PCDHGB4: variants seen among roughly 807,000 people sequenced by gnomAD.
PCDHGB4 encodes the protein protocadherin gamma subfamily B, 4.
Under a neutral mutation model 60.5 loss-of-function variants are expected in PCDHGB4, and 38 were observed. The ratio of observed to expected loss-of-function variants is 0.63; its 90% CI spans 0.48 to 0.82. The LOEUF (loss-of-function observed/expected upper bound fraction) is 0.82. PCDHGB4 is among the 40% of genes least tolerant of loss of function. The pLI is 0.00. For missense variants in PCDHGB4, 1,109 were observed against 1,209.6 expected (o/e 0.92, Z 1.23); for synonymous variants, 456 against 509.7 (o/e 0.89, Z 1.42).
rs374476072 is a variant in PCDHGB4, at chr5:141,419,103, C to T, written c.2397+28822C>T. 5 of 1,613,886 alleles carry T rather than the reference C, an allele frequency of 3.1e-6. 1 individual carries two copies. Among genetic ancestry groups the T allele is most frequent in the South Asian group, 1.1e-5 (1 of 91,088 alleles). On this transcript the variant is annotated intron_variant, in intron 1 of 3. Transcript: ENST00000519479. ...GATGAGGCCCTGGATCGGGAGCAGA[C>T]CCCAGAGTACAACGTCACCATCGCA... is the stretch of plus-strand genomic sequence containing the variant.
At chr5:141,395,374 T>A in intron 1 of PCDHGB4, 1 of 1,187,898 alleles carries the variant, frequency 8.4e-7, no homozygotes. Context: ...ATTTTGGTGG[T>A]GTTACTATAA....
Position 141,511,212 on chromosome 5 carries a change from C to T in PCDHGB4, c.*39C>T. ...CCAAGAGCCACAGGGCGGCCTCTCC[C>T]CAACCAGCCCAGCTTCTCCTTACCT... is the stretch of plus-strand genomic sequence containing the variant. On this transcript the variant is annotated 3_prime_UTR_variant, in exon 4 of 4. Coordinates refer to ENST00000519479, the MANE Select transcript of PCDHGB4 (RefSeq NM_003736.4). 6.2e-7 allele frequency: 1 copy of T among 1,608,656 alleles called. No individual in the cohort carries two copies. Among genetic ancestry groups the T allele is most frequent in the Non-Finnish European group, 8.5e-7 (1 of 1,177,502 alleles).
At chr5:141,407,114 T>C (rs1309229793) in intron 1 of PCDHGB4, among the ~76,000 whole-genome samples, 1 of 152,228 alleles carries the variant, frequency 6.6e-6, no homozygotes, top group Non-Finnish European at 1.5e-5. Flanking sequence ...ATTATTTGGG[T>C]TTCAGTTGCT....
chr5:141,464,048 T>C (rs377735829), intron 1 of PCDHGB4, among the ~76,000 whole-genome samples: 1 of 152,260 alleles, frequency 6.6e-6, no homozygotes, highest in South Asian at 2.1e-4. Context: ...GTGGATCACC[T>C]GAGGTCAGGA....
chr5:141,432,088 AGACACCAAC>A lies in PCDHGB4; in HGVS notation c.2397+41812_2397+41820del, dbSNP rs1561857611. 6.2e-7 allele frequency: 1 copy of A among 1,614,148 alleles called. No individual in the cohort carries two copies. Among genetic ancestry groups the A allele is most frequent in the Admixed American group, 1.7e-5 (1 of 60,024 alleles). ...AAACTCATATCTCGCTGAACGTGGC[AGACACCAAC>A]GACAACCCGCCGGTCTTCCCTCAGG... is the stretch of plus-strand genomic sequence containing the variant. On this transcript the variant is annotated intron_variant, in intron 1 of 3. Transcript: ENST00000519479. This position sits in a 1 kb window ranked among gnomAD's most constrained non-coding sequence, Gnocchi z 6.0.
intron 1 of PCDHGB4, among the ~76,000 whole-genome samples, chr5:141,451,579 A>T (rs1222576609): frequency 6.6e-6 from 1 of 152,084 alleles, no homozygotes; most frequent in African/African-American, 2.4e-5. Flanking sequence ...TTATAAACCT[A>T]ATTTTGAAAG....
rs145569377 is a variant in PCDHGB4 at position 141,455,860 on chromosome 5, ATTATTTATTTATTTAT to A, written c.2398-38908_2398-38893del. Among the ~76,000 whole-genome samples, 551 of 139,848 alleles carry A rather than the reference ATTATTTATTTATTTAT, an allele frequency of 3.9e-3. 2 individuals carry two copies. The highest frequency in any genetic ancestry group is 9.7e-3 in the South Asian group (42 of 4,344). The allele number at this position is 139,848 out of a possible 152,430, so 91.7% of individuals were successfully genotyped here. ...CTATCTGCATAAAATAATTTCTTTTATTATTTATTTATTTATTTATTTATTTATTTATTTATTTATT... is the reference window on the plus strand; with the variant it reads ...CTATCTGCATAAAATAATTTCTTTTATTATTTATTTATTTATTTATTTATT... On this transcript the variant is annotated intron_variant, in intron 1 of 3. Transcript: ENST00000519479.
intron 1 of PCDHGB4, chr5:141,422,637 C>T (rs980166515): frequency 8.7e-5 from 141 of 1,612,568 alleles, no homozygotes; most frequent in Non-Finnish European, 1.2e-4. Flanking sequence ...CCAGGGGTGC[C>T]TCCATCTTCT....
At chr5:141,398,683 C>T (rs910361681) in intron 1 of PCDHGB4, 1 of 1,613,796 alleles carries the variant, frequency 6.2e-7, no homozygotes, top group African/African-American at 1.3e-5. Flanking sequence ...TAAGGAGAAA[C>T]AGGATGGTAG....
chr5:141,507,344 AT>A (rs1345461058), intron 3 of PCDHGB4: 5 of 152,206 alleles, frequency 3.3e-5, no homozygotes, highest in Non-Finnish European at 5.9e-5. Context: ...TTTACCTGAA[AT>A]TCAAATTTAA....
chr5:141,422,382 T>C (rs1390444026), intron 1 of PCDHGB4: 5 of 1,585,154 alleles, frequency 3.2e-6, no homozygotes, highest in Admixed American at 1.8e-5. Context: ...AAGTCTCCTG[T>C]TTTATTCCTA....
chr5:141,497,003 A>C (rs928317358), intron 2 of PCDHGB4, among the ~76,000 whole-genome samples: 2 of 152,148 alleles, frequency 1.3e-5, no homozygotes, highest in African/African-American at 4.8e-5. Context: ...CTGGCAGCCA[A>C]CATGGTGAAA....
chr5:141,470,452 G>A (rs981528762), intron 1 of PCDHGB4, among the ~76,000 whole-genome samples: 1 of 152,130 alleles, frequency 6.6e-6, no homozygotes, highest in Admixed American at 6.5e-5. Flanking sequence ...ATAGCATCTT[G>A]AATAGGATTT....
At chr5:141,494,250 G>C (rs908660385) in intron 1 of PCDHGB4, among the ~76,000 whole-genome samples, 3 of 152,182 alleles carry the variant, frequency 2.0e-5, no homozygotes, top group African/African-American at 7.2e-5. Flanking sequence ...TTTAGCTGTG[G>C]GAAGAGATTC....
intron 1 of PCDHGB4, chr5:141,423,123 A>G: frequency 1.2e-6 from 2 of 1,613,766 alleles, no homozygotes; most frequent in Non-Finnish European, 1.7e-6. Flanking sequence ...CAGCGCGGGC[A>G]CTGCTGGACA....
At chr5:141,415,386 A>G (rs1383734863) in intron 1 of PCDHGB4, 9 of 1,614,156 alleles carry the variant, frequency 5.6e-6, no homozygotes, top group Non-Finnish European at 7.6e-6. Flanking sequence ...GCGGCTTGAC[A>G]GGTGTGTCCG....
Position 141,388,205 on chromosome 5 carries a change from G to T in PCDHGB4, c.321G>T (p.Glu107Asp), listed in dbSNP as rs2091277297. 6.3e-7 allele frequency: 1 copy of T among 1,578,264 alleles called. No homozygotes were observed. The part of the protein sequence containing the change: ...GKKPACALEF[E>D]AVAENPLNFY... ...AGCCAGCTTGTGCTCTGGAATTTGA[G>T]GCTGTTGCTGAAAATCCACTGAACT... The change falls in exon 1 of 4, where the codon GAG (glutamate) becomes GAT (aspartate). Residue 107 changes from glutamate to aspartate, a missense_variant. Transcript: ENST00000519479.
chr5:141,430,578 C>A (rs1561846151), intron 1 of PCDHGB4: 8 of 470,816 alleles, frequency 1.7e-5, no homozygotes, highest in East Asian at 1.0e-4. Flanking sequence ...AGCGGAGATC[C>A]TGCTCGCCTT....
chr5:141,414,868 G>C, intron 1 of PCDHGB4: 1 of 1,614,216 alleles, frequency 6.2e-7, no homozygotes, highest in Non-Finnish European at 8.5e-7. Flanking sequence ...CAATGCGCCC[G>C]AGATCCTGTA....
Sources: allele counts gnomAD v4.1 joint callset (sites outside exome capture counted in the v4.1 genomes callset), GRCh38; gene constraint gnomAD v4.1.1; non-coding constraint Gnocchi (gnomAD v3.1); transcripts MANE v1.5; gene names NCBI Gene and HGNC (gene_info 2026-07-23, HGNC 2026-07-21).